The following AK5 variants were observed in gnomAD, a reference collection of about 807,000 sequenced individuals.
The protein encoded by AK5 is adenylate kinase isoenzyme 5.
Under a neutral mutation model 69.5 loss-of-function variants are expected in AK5, and 27 were observed. That is an observed-to-expected ratio of 0.39 (90% CI 0.29 to 0.54). The LOEUF is 0.54. Ranked by LOEUF, AK5 falls within the 20% of genes least tolerant of loss-of-function variation. AK5 has a pLI of 0.71. For synonymous variants in AK5, 260 were observed against 244.4 expected, an observed-to-expected ratio of 1.06 and a Z score of -0.60; for missense variants, 531 against 700.4, an observed-to-expected ratio of 0.76 and a Z score of 2.73.
intron 6 of AK5, among the ~76,000 whole-genome samples, chr1:77,346,642 G>A (rs1000782044): frequency 1.3e-5 from 2 of 152,068 alleles, no homozygotes; most frequent in African/African-American, 2.4e-5. Context: ...AACTACAGGT[G>A]TATGCCACCA....
At chr1:77,501,108 G>A (rs1000425030) in intron 10 of AK5, among the ~76,000 whole-genome samples, 2 of 152,210 alleles carry the variant, frequency 1.3e-5, no homozygotes, top group African/African-American at 2.4e-5. Context: ...GATTCCCTAA[G>A]TTTGAGAGAG....
chr1:77,465,527 C>T (rs935851155), intron 8 of AK5, among the ~76,000 whole-genome samples: 2 of 152,166 alleles, frequency 1.3e-5, no homozygotes, highest in Non-Finnish European at 2.9e-5. Context: ...ACGTCTTATT[C>T]ACCTGCTGCA....
At chr1:77,494,671 A>G (rs1269933678) in intron 10 of AK5, among the ~76,000 whole-genome samples, 1 of 151,986 alleles carries the variant, frequency 6.6e-6, no homozygotes, top group African/African-American at 2.4e-5. Context: ...TAAGTCAAAA[A>G]CCCCATCCTC....
intron 6 of AK5, among the ~76,000 whole-genome samples, chr1:77,351,927 CT>C (rs10658959): frequency 5.1e-5 from 7 of 138,162 alleles, no homozygotes; most frequent in African/African-American, 1.1e-4. Flanking sequence ...GCAAGTAATT[CT>C]TTTTTTTTTT....
intron 5 of AK5, among the ~76,000 whole-genome samples, chr1:77,307,233 T>C (rs957962432): frequency 4.0e-5 from 6 of 151,750 alleles, no homozygotes; most frequent in East Asian, 3.9e-4. Context: ...TAGGCACTTA[T>C]AGCTATAAAC....
intron 7 of AK5, among the ~76,000 whole-genome samples, 193 bp from the exon 8 acceptor site, chr1:77,417,446 A>T (rs1413941660): frequency 1.3e-5 from 2 of 152,156 alleles, no homozygotes; most frequent in African/African-American, 4.8e-5. Context: ...CTTCTTAAGG[A>T]TGCAGACAGT....
chr1:77,477,436 A>T (rs919187136), intron 8 of AK5, among the ~76,000 whole-genome samples: 1 of 152,108 alleles, frequency 6.6e-6, no homozygotes, highest in Non-Finnish European at 1.5e-5. Context: ...CTCTATCCCC[A>T]CCACTCTGCT....
chr1:77,292,513 G>A (rs1658746253), intron 2 of AK5, among the ~76,000 whole-genome samples: 2 of 152,146 alleles, frequency 1.3e-5, no homozygotes, highest in Non-Finnish European at 2.9e-5. Flanking sequence ...AGGGCAGGTG[G>A]CCTCCTGTTT....
intron 8 of AK5, among the ~76,000 whole-genome samples, chr1:77,437,581 T>C (rs1570124322): frequency 6.6e-6 from 1 of 152,132 alleles, no homozygotes; most frequent in Non-Finnish European, 1.5e-5. Flanking sequence ...TAGAAACCTC[T>C]TTTTCTCCTT....
intron 5 of AK5, among the ~76,000 whole-genome samples, chr1:77,331,249 A>G (rs1478301257): frequency 1.3e-5 from 2 of 152,004 alleles, no homozygotes; most frequent in Non-Finnish European, 2.9e-5. Context: ...TCTCTATTAC[A>G]ATGTTAACTA....
At chr1:77,294,112 A>G (rs780304766) in intron 3 of AK5, 152 bp downstream of exon 3, 475 of 653,960 alleles carry the variant, frequency 7.3e-4, no homozygotes, top group Non-Finnish European at 2.1e-4. Context: ...AAATATTCTT[A>G]GTATAAGTTT....
chr1:77,543,926 TACACAC>T (rs142574877), intron 13 of AK5, among the ~76,000 whole-genome samples: 12 of 147,966 alleles, frequency 8.1e-5, no homozygotes, highest in African/African-American at 3.0e-4. Flanking sequence ...TATGTGAGAG[TACACAC>T]ACACACACAC....
intron 6 of AK5, among the ~76,000 whole-genome samples, chr1:77,380,216 T>G (rs1002596313): frequency 6.6e-6 from 1 of 152,156 alleles, no homozygotes; most frequent in African/African-American, 2.4e-5. Flanking sequence ...GGAAGGATAA[T>G]GGGGTGACAG....
At chr1:77,314,600 G>A (rs1660150399) in intron 5 of AK5, 1 of 152,046 alleles carries the variant, frequency 6.6e-6, no homozygotes, top group African/African-American at 2.4e-5. Flanking sequence ...AGGGTGATTA[G>A]CATATCCATC....
At chr1:77,477,766 G>A (rs1489389966) in intron 8 of AK5, among the ~76,000 whole-genome samples, 2 of 151,976 alleles carry the variant, frequency 1.3e-5, no homozygotes, top group African/African-American at 4.8e-5. Context: ...AATCTTAGCT[G>A]TAACATTTTA....
intron 3 of AK5, among the ~76,000 whole-genome samples, chr1:77,296,496 CAA>C (rs769414046): frequency 0.094 from 14,314 of 151,954 alleles, 812 homozygotes; most frequent in East Asian, 0.2. Context: ...CATTAGTTGA[CAA>C]AAAATTTTTT....
At chr1:77,502,389 C>T (rs957891618) in intron 10 of AK5, among the ~76,000 whole-genome samples, 1 of 152,140 alleles carries the variant, frequency 6.6e-6, no homozygotes, top group Admixed American at 6.5e-5. Context: ...TAAGGACCTG[C>T]CTGGAAGTTG....
chr1:77,546,862 G>T (rs1044033470), intron 13 of AK5, among the ~76,000 whole-genome samples: 1 of 152,216 alleles, frequency 6.6e-6, no homozygotes, highest in African/African-American at 2.4e-5. Context: ...TCAGAGAAAA[G>T]AGGACATTTG....
chr1:77,314,925 A>T (rs1660166594), intron 5 of AK5: 1 of 152,078 alleles, frequency 6.6e-6, no homozygotes, highest in South Asian at 2.1e-4. Flanking sequence ...TTAACAACAG[A>T]TATTTATTGA....
Sources: allele counts gnomAD v4.1 joint callset (sites outside exome capture counted in the v4.1 genomes callset), GRCh38; gene constraint gnomAD v4.1.1; transcripts MANE v1.5; gene names NCBI Gene and HGNC (gene_info 2026-07-23, HGNC 2026-07-21).